Variants in TLN2 observed in about 807,000 individuals in gnomAD.
TLN2 encodes talin-2.
A neutral mutation model predicts 294.7 loss-of-function variants in TLN2; 118 were observed. The ratio of observed to expected loss-of-function variants is 0.40; its 90% CI spans 0.34 to 0.47. The LOEUF is 0.47. TLN2 is among the 20% of genes least tolerant of loss of function. The pLI is 0.84. For synonymous variants in TLN2, 1,431 were observed against 1,304.5 expected, an observed-to-expected ratio of 1.10 and a Z score of -2.09; for missense variants, 3,083 against 3,282.2, an observed-to-expected ratio of 0.94 and a Z score of 1.48.
At chr15:62,619,851 A>T (rs2048630541) in intron 3 of TLN2, among the ~76,000 whole-genome samples, 1 of 152,206 alleles carries the variant, frequency 6.6e-6, no homozygotes, top group African/African-American at 2.4e-5. Flanking sequence ...TTGTTTTAGG[A>T]CACCAAGTTT....
chr15:62,819,702 C>A (rs1425505545), intron 53 of TLN2, 81 bp downstream of exon 53: 2 of 1,297,026 alleles, frequency 1.5e-6, no homozygotes, highest in Non-Finnish European at 2.2e-6. Context: ...AGGAAAAGCA[C>A]AGACGGCAAT....
intron 37 of TLN2, among the ~76,000 whole-genome samples, chr15:62,757,820 C>G (rs1449064687): frequency 6.6e-6 from 1 of 152,170 alleles, no homozygotes; most frequent in African/African-American, 2.4e-5. Flanking sequence ...TGCCCCTCCG[C>G]GTGTGGAAAT....
intron 19 of TLN2, among the ~76,000 whole-genome samples, chr15:62,703,627 GCACACACA>G (rs71131124): frequency 6.0e-5 from 7 of 116,730 alleles, no homozygotes; most frequent in African/African-American, 1.9e-4. Context: ...ACACACGCGC[GCACACACA>G]CACACACACA....
chr15:62,713,445 G>A (rs147766630), intron 22 of TLN2, among the ~76,000 whole-genome samples: 4 of 152,016 alleles, frequency 2.6e-5, no homozygotes, highest in East Asian at 1.9e-4. Context: ...TTGAGAGGCC[G>A]AGGTGGGCGG....
chr15:62,406,157 C>T (rs1029331160), intron 1 of TLN2, among the ~76,000 whole-genome samples: 1 of 152,186 alleles, frequency 6.6e-6, no homozygotes, highest in Non-Finnish European at 1.5e-5. Flanking sequence ...TACTGGGTGG[C>T]TGGGATCATA....
At chr15:62,780,458 C>G (rs2064063967) in intron 43 of TLN2, among the ~76,000 whole-genome samples, 2 of 152,172 alleles carry the variant, frequency 1.3e-5, no homozygotes. Context: ...GCCCGAGGTT[C>G]ATTCACAAGC....
At chr15:62,730,983 A>G (rs370048385) in intron 28 of TLN2, among the ~76,000 whole-genome samples, 1 of 151,918 alleles carries the variant, frequency 6.6e-6, no homozygotes, top group South Asian at 2.1e-4. Flanking sequence ...TTTCTTCTTC[A>G]TAGTTTTTCT....
chr15:62,700,081 G>A (rs1002635468), intron 16 of TLN2, among the ~76,000 whole-genome samples: 8 of 152,176 alleles, frequency 5.3e-5, no homozygotes, highest in African/African-American at 1.4e-4. Flanking sequence ...TAAACTCAGC[G>A]CCATTTCTCC....
intron 1 of TLN2, among the ~76,000 whole-genome samples, chr15:62,532,777 TG>T (rs943106249): frequency 6.6e-6 from 1 of 152,146 alleles, no homozygotes; most frequent in Non-Finnish European, 1.5e-5. Flanking sequence ...TGTGTGACCT[TG>T]GGTAAGAATT....
intron 2 of TLN2, among the ~76,000 whole-genome samples, chr15:62,605,143 C>G (rs150584023): frequency 1.3e-5 from 2 of 152,182 alleles, no homozygotes; most frequent in African/African-American, 2.4e-5. Flanking sequence ...AGACAAGGAG[C>G]TGAATATATT....
intron 2 of TLN2, among the ~76,000 whole-genome samples, chr15:62,613,178 G>T (rs1316918835): frequency 6.6e-6 from 1 of 152,194 alleles, no homozygotes; most frequent in South Asian, 2.1e-4. Context: ...TGGGCTTGTT[G>T]TAGGGTATTT....
intron 11 of TLN2, among the ~76,000 whole-genome samples, chr15:62,679,462 A>G (rs1223919635): frequency 6.6e-6 from 1 of 152,212 alleles, no homozygotes; most frequent in Non-Finnish European, 1.5e-5. Context: ...GATATATGCT[A>G]CAACACGGAT....
At chr15:62,797,678 C>T (rs1190861673) in intron 48 of TLN2, among the ~76,000 whole-genome samples, 2 of 152,042 alleles carry the variant, frequency 1.3e-5, no homozygotes, top group Non-Finnish European at 2.9e-5. Context: ...GCACGGCATA[C>T]CTGAGGGAGG....
chr15:62,574,301 G>A (rs1044930497), intron 1 of TLN2, among the ~76,000 whole-genome samples: 1 of 151,686 alleles, frequency 6.6e-6, no homozygotes, highest in African/African-American at 2.4e-5. Context: ...GATTAGCCAG[G>A]CGCGGTGGCT....
chr15:62,502,897 T>G (rs1037216652), intron 1 of TLN2, among the ~76,000 whole-genome samples: 4 of 152,212 alleles, frequency 2.6e-5, no homozygotes, highest in Admixed American at 6.5e-5. Context: ...GTGAGTCCTT[T>G]CCTTTTGGCT....
intron 1 of TLN2, among the ~76,000 whole-genome samples, chr15:62,586,206 A>G (rs1220724263): frequency 1.3e-5 from 2 of 152,234 alleles, no homozygotes; most frequent in Non-Finnish European, 2.9e-5. Flanking sequence ...CAGAGAGGCC[A>G]GCAATTCACA....
At chr15:62,638,230 G>A (rs1221964043) in intron 3 of TLN2, 5 of 315,740 alleles carry the variant, frequency 1.6e-5, no homozygotes, top group South Asian at 2.8e-5. Flanking sequence ...GTTCTGTAGT[G>A]CACTACCCCT....
chr15:62,401,454 G>A (rs1462532229), intron 1 of TLN2, among the ~76,000 whole-genome samples: 2 of 152,132 alleles, frequency 1.3e-5, no homozygotes, highest in Non-Finnish European at 1.5e-5. Flanking sequence ...AAGAGACCTG[G>A]AAGGGAAATT....
Position 62,743,511 on chromosome 15 carries a change from A to G in TLN2, c.4025+2742A>G, listed in dbSNP as rs1231732075. On this transcript the variant is annotated intron_variant, in intron 32 of 58. Transcript: ENST00000636159. ...CCTATCCCCTTGGTTTTGGATGCCT[A>G]GGGGAGAGGAAGTCATTTGCTATTT... 2.6e-5 allele frequency among the ~76,000 whole-genome samples: 4 copies of G among 152,122 alleles called. No individual in the cohort carries two copies. The East Asian group carries it at 5.8e-4, about 22-fold the overall frequency.
Sources: allele counts gnomAD v4.1 joint callset (sites outside exome capture counted in the v4.1 genomes callset), GRCh38; gene constraint gnomAD v4.1.1; transcripts MANE v1.5; gene names NCBI Gene and HGNC (gene_info 2026-07-23, HGNC 2026-07-21).